The following KAT6B variants were observed in gnomAD, a reference collection of about 807,000 sequenced individuals.
KAT6B encodes the protein histone acetyltransferase KAT6B.
In KAT6B, 10 loss-of-function variants were observed where a neutral mutation model predicts 187.5. The observed-to-expected ratio is 0.05, with a 90% CI of 0.03 to 0.09. KAT6B has a LOEUF of 0.09. Ranked by LOEUF, KAT6B falls within the 10% of genes least tolerant of loss-of-function variation. The pLI, the probability that KAT6B is intolerant of heterozygous loss-of-function variation, is 1.00. For missense variants in KAT6B, 1,952 were observed against 2,558.9 expected (o/e 0.76, Z 5.12); for synonymous variants, 861 against 926.8 (o/e 0.93, Z 1.29).
chr10:75,012,658 G>C (rs984938851), intron 13 of KAT6B, among the ~76,000 whole-genome samples: 10 of 152,178 alleles, frequency 6.6e-5, no homozygotes, highest in Admixed American at 6.5e-4. Context: ...CGTGCTGCCT[G>C]ATGCCCTACT....
intron 3 of KAT6B, among the ~76,000 whole-genome samples, chr10:74,902,897 T>C (rs1267809899): frequency 2.0e-5 from 3 of 152,226 alleles, no homozygotes; most frequent in South Asian, 2.1e-4. Context: ...ACTTGACATA[T>C]TGTCTCATAC....
intron 3 of KAT6B, among the ~76,000 whole-genome samples, chr10:74,865,883 G>A (rs565019189): frequency 3.9e-5 from 6 of 152,244 alleles, no homozygotes; most frequent in East Asian, 1.9e-4. Flanking sequence ...ACCAAATGCC[G>A]TGCATGGAAA....
chr10:74,915,813 T>C (rs1282270348), intron 3 of KAT6B, among the ~76,000 whole-genome samples: 2 of 152,230 alleles, frequency 1.3e-5, no homozygotes, highest in African/African-American at 4.8e-5. Context: ...GCCACTGTTA[T>C]TGATGCCCTG....
intron 13 of KAT6B, among the ~76,000 whole-genome samples, chr10:75,015,615 C>A (rs986433462): frequency 6.6e-6 from 1 of 152,196 alleles, no homozygotes; most frequent in African/African-American, 2.4e-5. Flanking sequence ...TGGTTAGAGT[C>A]ATCAGATTTC....
chr10:74,856,566 C>T (rs764377457), intron 3 of KAT6B, among the ~76,000 whole-genome samples: 1 of 152,052 alleles, frequency 6.6e-6, no homozygotes, highest in Non-Finnish European at 1.5e-5. Flanking sequence ...CTGACTGTAT[C>T]CTCATGATTA....
Position 75,030,618 on chromosome 10 carries a change from C to T in KAT6B, c.5794C>T (p.Leu1932=), listed in dbSNP as rs1219983439. The T allele has an allele frequency of 6.2e-7, 1 of 1,613,174 alleles. No homozygotes were observed. The highest frequency in any genetic ancestry group is 8.5e-7 in the Non-Finnish European group (1 of 1,179,100). Residue 1932 remains leucine (L), a synonymous_variant, in exon 18 of 18, where the codon CTG becomes TTG. Transcript: ENST00000287239. This position sits in a 1 kb window ranked among gnomAD's most constrained non-coding sequence, Gnocchi z 4.8. ...HISMRTKSAS[L]SPAAATHQSQ... ...CTCCATGAGAACCAAGTCAGCGTCT[C>T]TGTCACCAGCCGCTGCCACCCATCA...
chr10:74,905,560 T>A (rs1846695807), intron 3 of KAT6B, among the ~76,000 whole-genome samples: 1 of 152,130 alleles, frequency 6.6e-6, no homozygotes, highest in African/African-American at 2.4e-5. Flanking sequence ...TTGGGCTGCC[T>A]AGGGTAAATC....
chr10:74,911,184 C>G (rs1847176333), intron 3 of KAT6B, among the ~76,000 whole-genome samples: 1 of 151,912 alleles, frequency 6.6e-6, no homozygotes, highest in Admixed American at 6.6e-5. Context: ...GCATGTGATT[C>G]TGTGTGTGTA....
chr10:74,850,957 C>T (rs911344830), intron 3 of KAT6B, among the ~76,000 whole-genome samples: 8 of 152,018 alleles, frequency 5.3e-5, no homozygotes, highest in South Asian at 2.1e-4. Flanking sequence ...AGGTTGGCAT[C>T]GTAATTGGAA....
chr10:74,902,326 A>G (rs543563171), intron 3 of KAT6B, among the ~76,000 whole-genome samples: 4 of 152,224 alleles, frequency 2.6e-5, no homozygotes, highest in African/African-American at 7.2e-5. Context: ...TTTGTGCCAT[A>G]TCCAAATTGC....
chr10:74,830,751 TATATATATATATATATA>T (rs1359182414), intron 1 of KAT6B, among the ~76,000 whole-genome samples: 1 of 27,018 alleles, frequency 3.7e-5, no homozygotes, highest in African/African-American at 2.4e-4. Flanking sequence ...TATATATATA[TATATATATATATATATA>T]TTTTTTTTTT....
chr10:74,943,894 A>G (rs998467402), intron 3 of KAT6B, among the ~76,000 whole-genome samples: 1 of 152,242 alleles, frequency 6.6e-6, no homozygotes, highest in African/African-American at 2.4e-5. Flanking sequence ...CTTATGTGTT[A>G]TATACATACA....
At chr10:74,986,228 T>C (rs1272278045) in intron 12 of KAT6B, among the ~76,000 whole-genome samples, 1 of 152,128 alleles carries the variant, frequency 6.6e-6, no homozygotes, top group African/African-American at 2.4e-5. Context: ...TCCTTTGCAA[T>C]AAAGGAAAAC....
chr10:74,992,270 G>A (rs1398670052), intron 13 of KAT6B, among the ~76,000 whole-genome samples: 1 of 152,176 alleles, frequency 6.6e-6, no homozygotes, highest in African/African-American at 2.4e-5. Context: ...CTTGATCACA[G>A]ACATGGGTGG....
intron 5 of KAT6B, 47 bp downstream of exon 5, chr10:74,969,822 C>T: frequency 7.3e-7 from 1 of 1,362,192 alleles, no homozygotes; most frequent in Non-Finnish European, 1.1e-6. Flanking sequence ...CGCTAATTTC[C>T]AGTGTTAAGG....
At position 75,021,197 on chromosome 10, in the gene KAT6B, A is replaced by G. The variant is rs778411790; in HGVS notation, c.2933A>G (p.Asn978Ser). 7.4e-6 allele frequency: 12 copies of G among 1,614,128 alleles called. No homozygotes were observed. Among genetic ancestry groups the G allele is most frequent in the Admixed American group, 1.7e-5 (1 of 60,034 alleles). Residue 978 changes from asparagine (N) to serine (S), a missense_variant, in exon 15 of 18, where the codon AAT (asparagine) becomes AGT (serine). Around this residue, in one of 9 missense-constraint regions of KAT6B, gnomAD observed 758 missense variants for 891.4 expected, o/e 0.85. Coordinates refer to ENST00000287239, the MANE Select transcript of KAT6B (RefSeq NM_012330.4). ...AAGCTGAAAACCTGTTCCAGAGCCA[A>G]TGAACTTGATCCAGACAGTCTGAGG... ...MEKLKTCSRA[N>S]ELDPDSLRWT...
At chr10:74,987,147 T>TC (rs1281271075) in intron 12 of KAT6B, among the ~76,000 whole-genome samples, 1 of 152,100 alleles carries the variant, frequency 6.6e-6, no homozygotes, top group African/African-American at 2.4e-5. Context: ...GTTAAAAGAC[T>TC]AGATGAGGCC....
chr10:74,925,805 G>A (rs1399573936), intron 3 of KAT6B, among the ~76,000 whole-genome samples: 1 of 152,152 alleles, frequency 6.6e-6, no homozygotes, highest in Non-Finnish European at 1.5e-5. Flanking sequence ...TTATAATACA[G>A]TGCCTGATAG....
At chr10:74,880,051 A>C (rs372438299) in intron 3 of KAT6B, among the ~76,000 whole-genome samples, 37 of 152,200 alleles carry the variant, frequency 2.4e-4, no homozygotes, top group African/African-American at 8.7e-4. Context: ...AATAATAATA[A>C]AAATAAAGGT....
Sources: allele counts gnomAD v4.1 joint callset (sites outside exome capture counted in the v4.1 genomes callset), GRCh38; gene constraint gnomAD v4.1.1; regional missense constraint gnomAD v4.1.1; non-coding constraint Gnocchi (gnomAD v3.1); transcripts MANE v1.5; gene names NCBI Gene and HGNC (gene_info 2026-07-23, HGNC 2026-07-21).